The following ANK3 variants were observed in gnomAD, a reference collection of about 807,000 sequenced individuals.
The protein encoded by ANK3 is ankyrin 3, also known as ankyrin-3.
Under a neutral mutation model 370.9 loss-of-function variants are expected in ANK3, and 57 were observed. The ratio of observed to expected loss-of-function variants is 0.15; its 90% CI spans 0.12 to 0.19. The LOEUF is 0.19. Ranked by LOEUF, ANK3 falls within the 10% of genes least tolerant of loss-of-function variation. The pLI is 1.00. For missense variants in ANK3, 4,439 were observed against 5,302.1 expected, an observed-to-expected ratio of 0.84 and a Z score of 5.06; for synonymous variants, 1,929 against 1,946.3, an observed-to-expected ratio of 0.99 and a Z score of 0.23.
intron 36 of ANK3, chr10:60,080,336 T>A: frequency 3.8e-6 from 2 of 528,826 alleles, no homozygotes; most frequent in Non-Finnish European, 3.3e-6. Context: ...TAAAAACTGT[T>A]TTGAAGTATG....
At chr10:60,680,589 A>G (rs1438748769) in intron 1 of ANK3, among the ~76,000 whole-genome samples, 3 of 152,178 alleles carry the variant, frequency 2.0e-5, no homozygotes, top group African/African-American at 7.2e-5. Flanking sequence ...ACACAGGTCA[A>G]TTACTATGTA....
At chr10:60,689,128 A>G (rs1207318599) in intron 1 of ANK3, among the ~76,000 whole-genome samples, 3 of 152,160 alleles carry the variant, frequency 2.0e-5, no homozygotes, top group Non-Finnish European at 2.9e-5. Flanking sequence ...GGCTAGGAAC[A>G]GTGGGTCACA....
At position 60,166,848 on chromosome 10, in the gene ANK3, C is replaced by A. The variant is rs374286315; in HGVS notation, c.2527G>T (p.Val843Phe). Residue 843 changes from valine (V) to phenylalanine (F), a missense_variant, in exon 22 of 44, where the codon GTT becomes TTT. By Grantham distance (50) the Val-to-Phe change is conservative (BLOSUM62 -1). Coordinates refer to ENST00000280772, the MANE Select transcript of ANK3 (RefSeq NM_020987.5). Reference sequence around the variant, plus strand: ...CCTTCATCATCAGACATATCAAGAACTTCATTCATCGTTTCTGGAACATTC... The same window carrying A: ...CCTTCATCATCAGACATATCAAGAAATTCATTCATCGTTTCTGGAACATTC... ...KMNVPETMNE[V>F]LDMSDDEVRK... The A allele has an allele frequency of 6.2e-7, 1 of 1,613,962 alleles. No individual in the cohort carries two copies. Among genetic ancestry groups the A allele is most frequent in the Non-Finnish European group, 8.5e-7 (1 of 1,179,938 alleles).
In ANK3 at chr10:60,265,014, A is replaced by G. The variant is rs1280778689; in HGVS notation, c.514-994T>C. 2.0e-5 allele frequency among the ~76,000 whole-genome samples: 3 copies of G among 150,528 alleles called. No homozygotes were observed. The East Asian group carries it at 5.8e-4, about 29-fold the overall frequency. ...TTTAAATTAAAAATTATAAATATTTATAGGGGTACAAGTGATATTATGACT... is the reference window on the plus strand; with the variant it reads ...TTTAAATTAAAAATTATAAATATTTGTAGGGGTACAAGTGATATTATGACT... On this transcript the variant is annotated intron_variant, in intron 5 of 43. Transcript: ENST00000280772.
chr10:60,072,519 T>G lies in ANK3; in HGVS notation c.8362A>C (p.Lys2788Gln). 1 of 1,613,768 alleles carries G rather than the reference T, an allele frequency of 6.2e-7. No individual in the cohort carries two copies. Among genetic ancestry groups the G allele is most frequent in the Non-Finnish European group, 8.5e-7 (1 of 1,179,930 alleles). The part of the protein sequence containing the change: ...VSVQKDFMVL[K>Q]TKDEHAQSNE... ...CTTTGGGCATGCTCATCTTTGGTTT[T>G]TAATACCATAAAATCTTTTTGCACA... is the stretch of plus-strand genomic sequence containing the variant. The change falls in exon 37 of 44, where the codon AAA (lysine) becomes CAA (glutamine). Residue 2788 changes from lysine to glutamine, a missense_variant. This residue lies in a region of ANK3 where 1,601 missense variants were observed against 1,731.7 expected (regional missense o/e 0.92). Coordinates refer to ENST00000280772, the MANE Select transcript of ANK3 (RefSeq NM_020987.5).
At chr10:60,469,054 T>TATATACAC (rs1201040809) in intron 2 of ANK3, among the ~76,000 whole-genome samples, 1 of 34,912 alleles carries the variant, frequency 2.9e-5, no homozygotes, top group African/African-American at 1.1e-4. Flanking sequence ...TATATATATA[T>TATATACAC]ACCACTTTTA....
At chr10:60,503,424 C>T (rs1024168741) in intron 2 of ANK3, among the ~76,000 whole-genome samples, 1 of 152,130 alleles carries the variant, frequency 6.6e-6, no homozygotes, top group African/African-American at 2.4e-5. Context: ...CTCATAATAG[C>T]CCCATAAGGC....
intron 43 of ANK3, among the ~76,000 whole-genome samples, chr10:60,036,076 T>C (rs997071978): frequency 2.6e-5 from 4 of 152,158 alleles, no homozygotes; most frequent in African/African-American, 9.7e-5. Flanking sequence ...TTTTGCTCTC[T>C]CTTTGTCACT....
intron 2 of ANK3, among the ~76,000 whole-genome samples, chr10:60,440,984 C>G (rs570356766): frequency 7.2e-5 from 11 of 152,300 alleles, no homozygotes; most frequent in Non-Finnish European, 1.5e-4. Context: ...CTGAATGGCA[C>G]TCACTCTGGA....
intron 1 of ANK3, among the ~76,000 whole-genome samples, chr10:60,304,126 A>G (rs550955149): frequency 1.3e-5 from 2 of 152,242 alleles, no homozygotes; most frequent in Admixed American, 6.5e-5. Context: ...GATGTTGGTC[A>G]AGGGGTACAA....
chr10:60,490,942 C>A (rs2075482272), intron 2 of ANK3, among the ~76,000 whole-genome samples: 1 of 152,196 alleles, frequency 6.6e-6, no homozygotes, highest in African/African-American at 2.4e-5. Context: ...GTAAATTCTG[C>A]CTCACATGCT....
At position 60,075,948 on chromosome 10, in the gene ANK3, C is replaced by A; in HGVS notation, c.4933G>T (p.Ala1645Ser). The change falls in exon 37 of 44, where the codon GCC becomes TCC. Residue 1645 changes from alanine (A) to serine (S), a missense_variant. Transcript: ENST00000280772. ...ERSSITMTPP[A>S]SPKSNINMYS... ...ATATTAATGTTTGATTTGGGGGAGG[C>A]AGGGGGTGTCATAGTAATTGATGAC... The A allele has an allele frequency of 6.2e-7, 1 of 1,614,068 alleles. No individual in the cohort carries two copies. Among genetic ancestry groups the A allele is most frequent in the South Asian group, 1.1e-5 (1 of 91,088 alleles).
At chr10:60,538,377 T>C (rs537041777) in intron 2 of ANK3, among the ~76,000 whole-genome samples, 1 of 152,054 alleles carries the variant, frequency 6.6e-6, no homozygotes, top group East Asian at 1.9e-4. Context: ...TACCTGTTTG[T>C]CAGCAGGCTT....
At chr10:60,658,967 G>C (rs2078902583) in intron 1 of ANK3, among the ~76,000 whole-genome samples, 1 of 151,618 alleles carries the variant, frequency 6.6e-6, no homozygotes, top group East Asian at 1.9e-4. Context: ...AGGAGGAGAG[G>C]AAGGGGAAGG....
rs182557782 is a variant in ANK3, at chr10:60,675,792, C to T, written c.57+57471G>A. Among the ~76,000 whole-genome samples the T allele has an allele frequency of 5.7e-3, 866 of 152,246 alleles. 9 individuals are homozygous for T. Among genetic ancestry groups the T allele is most frequent in the African/African-American group, 0.02 (828 of 41,544 alleles). ...AGGCAGTATCACATTCTTCAGATTT[C>T]AAATGGACTCCAGTCCCAAAAGGTG... is the stretch of plus-strand genomic sequence containing the variant. On this transcript the variant is annotated intron_variant, in intron 1 of 43. Transcript: ENST00000373827.
rs371147375 is a variant in ANK3, at chr10:60,252,879, C to T, written c.798+8980G>A. 1.2e-4 allele frequency among the ~76,000 whole-genome samples: 19 copies of T among 152,308 alleles called. 1 individual carries two copies. Among genetic ancestry groups the T allele is most frequent in the Admixed American group, 3.3e-4 (5 of 15,298 alleles). ...AGGGGAACGTGACTTGCAGTGACAG[C>T]GTCCCCTCCTGGATGCAAGCAGTGA... is the stretch of plus-strand genomic sequence containing the variant. On this transcript the variant is annotated intron_variant, in intron 7 of 43. Coordinates refer to ENST00000280772, the MANE Select transcript of ANK3 (RefSeq NM_020987.5).
At chr10:60,255,545 A>G (rs1222351043) in intron 7 of ANK3, among the ~76,000 whole-genome samples, 34 of 152,106 alleles carry the variant, frequency 2.2e-4, no homozygotes, top group Admixed American at 2.2e-3. Flanking sequence ...ATAAAATTAT[A>G]TTTGAGGCCT....
intron 1 of ANK3, among the ~76,000 whole-genome samples, chr10:60,713,865 C>CA (rs901266329): frequency 1.4e-5 from 2 of 143,256 alleles, no homozygotes; most frequent in African/African-American, 2.7e-5. Context: ...GACTCCGTCT[C>CA]AAAAAAAAGA....
intron 1 of ANK3, among the ~76,000 whole-genome samples, chr10:60,321,390 A>ACG (rs1180060101): frequency 2.2e-3 from 128 of 58,696 alleles, no homozygotes; most frequent in African/African-American, 6.7e-3. Flanking sequence ...GAAAAAAGAA[A>ACG]AGAGAAGAGA....
Sources: allele counts gnomAD v4.1 joint callset (sites outside exome capture counted in the v4.1 genomes callset), GRCh38; gene constraint gnomAD v4.1.1; regional missense constraint gnomAD v4.1.1; transcripts MANE v1.5; gene names NCBI Gene and HGNC (gene_info 2026-07-23, HGNC 2026-07-21).